The following ANKRD44 variants were observed in gnomAD, a reference collection of about 807,000 sequenced individuals.
ANKRD44 encodes serine/threonine-protein phosphatase 6 regulatory ankyrin repeat subunit B.
In ANKRD44, 35 loss-of-function variants were observed where a neutral mutation model predicts 116.0. The ratio of observed to expected loss-of-function variants is 0.30; its 90% CI spans 0.23 to 0.40. The LOEUF is 0.40. ANKRD44 is among the 10% of genes least tolerant of loss of function. The pLI is 1.00. For synonymous variants in ANKRD44, 435 were observed against 461.8 expected, an observed-to-expected ratio of 0.94 and a Z score of 0.74; for missense variants, 1,014 against 1,242.6, an observed-to-expected ratio of 0.82 and a Z score of 2.77.
At chr2:197,107,884 A>T (rs1430059384) in intron 9 of ANKRD44, among the ~76,000 whole-genome samples, 2 of 152,216 alleles carry the variant, frequency 1.3e-5, no homozygotes, top group Non-Finnish European at 2.9e-5. Context: ...GTAAAAAAAG[A>T]ACTTCCTTTT....
At chr2:197,199,012 G>C (rs1160089639) in intron 1 of ANKRD44, 3 of 152,170 alleles carry the variant, frequency 2.0e-5, no homozygotes, top group Non-Finnish European at 2.9e-5. Context: ...ACCTATGCAA[G>C]CTCCTTCTCT....
intron 1 of ANKRD44, among the ~76,000 whole-genome samples, chr2:197,192,215 G>A (rs73991246): frequency 0.043 from 6,544 of 152,176 alleles, 486 homozygotes; most frequent in African/African-American, 0.15. Context: ...GGCTTTGGAA[G>A]ATAGGCAGAG....
chr2:197,304,794 T>C (rs867821424), intron 1 of ANKRD44, among the ~76,000 whole-genome samples: 42 of 152,354 alleles, frequency 2.8e-4, no homozygotes, highest in African/African-American at 7.7e-4. Flanking sequence ...AATGTTTCTA[T>C]CACATTACAC....
chr2:197,043,992 G>A (rs2076957292), intron 16 of ANKRD44, among the ~76,000 whole-genome samples: 1 of 151,788 alleles, frequency 6.6e-6, no homozygotes, highest in Admixed American at 6.6e-5. Flanking sequence ...TAAAGTCAAG[G>A]GATCAGTGAT....
chr2:197,284,702 A>G (rs941104955), intron 1 of ANKRD44, among the ~76,000 whole-genome samples: 1 of 151,992 alleles, frequency 6.6e-6, no homozygotes, highest in Non-Finnish European at 1.5e-5. Flanking sequence ...CCTGGCCAAC[A>G]TGGTGAAACC....
intron 15 of ANKRD44, among the ~76,000 whole-genome samples, chr2:197,081,201 T>C (rs929343342): frequency 1.3e-5 from 2 of 152,148 alleles, no homozygotes; most frequent in African/African-American, 4.8e-5. Flanking sequence ...TTGATGTGCA[T>C]GTGGGCTGGG....
intron 16 of ANKRD44, among the ~76,000 whole-genome samples, chr2:197,027,435 G>A (rs928693981): frequency 6.6e-6 from 1 of 152,076 alleles, no homozygotes; most frequent in Non-Finnish European, 1.5e-5. Flanking sequence ...AAAGCCATAA[G>A]ATTGGATGAG....
chr2:197,246,350 CTT>C (rs67655796), intron 1 of ANKRD44, among the ~76,000 whole-genome samples: 16 of 65,876 alleles, frequency 2.4e-4, no homozygotes, highest in African/African-American at 1.1e-3. Flanking sequence ...CTACATCTGG[CTT>C]TTTTTTTTTT....
At chr2:197,070,989 T>C (rs944672956) in intron 16 of ANKRD44, among the ~76,000 whole-genome samples, 1 of 152,200 alleles carries the variant, frequency 6.6e-6, no homozygotes, top group Non-Finnish European at 1.5e-5. Flanking sequence ...GAGTCTATTT[T>C]ATCAAGTTGT....
intron 21 of ANKRD44, among the ~76,000 whole-genome samples, chr2:196,975,625 T>TA (rs113571103): frequency 4.4e-4 from 47 of 106,318 alleles, no homozygotes; most frequent in African/African-American, 1.4e-3. Flanking sequence ...TTTTTTTTTT[T>TA]AAAAAAAATA....
intron 1 of ANKRD44, among the ~76,000 whole-genome samples, chr2:197,213,306 G>A (rs1159202937): frequency 9.9e-5 from 15 of 152,192 alleles, no homozygotes; most frequent in Admixed American, 9.8e-4. Flanking sequence ...TCTGTTTAAT[G>A]TAGACAATGT....
intron 16 of ANKRD44, among the ~76,000 whole-genome samples, chr2:197,069,891 CTTT>C (rs199988682): frequency 4.8e-5 from 7 of 144,726 alleles, no homozygotes; most frequent in African/African-American, 1.8e-4. Flanking sequence ...AATGTCTCTC[CTTT>C]TTTTTTTTTT....
intron 21 of ANKRD44, among the ~76,000 whole-genome samples, chr2:197,003,157 A>G (rs2076143685): frequency 6.6e-6 from 1 of 151,904 alleles, no homozygotes; most frequent in Admixed American, 6.6e-5. Context: ...AAATACCAAA[A>G]AAAAAAAAAG....
chr2:197,198,412 A>G (rs1397220443), intron 1 of ANKRD44, among the ~76,000 whole-genome samples: 1 of 152,216 alleles, frequency 6.6e-6, no homozygotes, highest in Non-Finnish European at 1.5e-5. Flanking sequence ...GGAAACTGCA[A>G]TAATAGTCTG....
intron 9 of ANKRD44, among the ~76,000 whole-genome samples, chr2:197,107,128 T>C (rs2078450987): frequency 6.6e-6 from 1 of 152,204 alleles, no homozygotes; most frequent in South Asian, 2.1e-4. Context: ...AATTAATTAG[T>C]ATCCTCTAAG....
chr2:197,001,365 A>G (rs1379138679), intron 22 of ANKRD44, among the ~76,000 whole-genome samples: 1 of 152,260 alleles, frequency 6.6e-6, no homozygotes, highest in Non-Finnish European at 1.5e-5. Flanking sequence ...GAAGAATTTC[A>G]ATATATGAAA....
In ANKRD44 at chr2:197,088,721, C is replaced by A; in HGVS notation, c.1237G>T (p.Ala413Ser). The A allele has an allele frequency of 6.2e-7, 1 of 1,610,960 alleles. No individual in the cohort carries two copies. The highest frequency in any genetic ancestry group is 8.5e-7 in the Non-Finnish European group (1 of 1,177,866). ...TTGGTAACTACTCACCCTCCTGCAG[C>A]AGCAGCATGAAGGCACGTTCTTCCA... ...KFGRTCLHAA[A>S]AGGNVECIKL... Residue 413 changes from alanine (A) to serine (S), a missense_variant, in exon 12 of 28, where the codon GCT (alanine) becomes TCT (serine). Ala to Ser is a moderately conservative substitution (Grantham distance 99, BLOSUM62 1). Transcript: ENST00000282272.
In ANKRD44 at chr2:197,013,544, T is replaced by C. The variant is rs2076335372; in HGVS notation, c.1891A>G (p.Asn631Asp). The change falls in exon 18 of 28, where the codon AAT becomes GAT. Residue 631 changes from asparagine to aspartate, a missense_variant. Asn to Asp is a conservative substitution (Grantham distance 23). Transcript: ENST00000282272. ...NQGASIFVKD[N>D]VTKRTPLHAS... Reference sequence around the variant, plus strand: ...TGAAGTGGGGTTCTTTTGGTTACATTGTCTTTCACAAAGATGGATGCGCCC... The same window carrying C: ...TGAAGTGGGGTTCTTTTGGTTACATCGTCTTTCACAAAGATGGATGCGCCC... 2 of 1,614,226 alleles carry C rather than the reference T, an allele frequency of 1.2e-6. No homozygotes were observed. Among genetic ancestry groups the C allele is most frequent in the Non-Finnish European group, 1.7e-6 (2 of 1,180,048 alleles).
intron 1 of ANKRD44, among the ~76,000 whole-genome samples, chr2:197,224,968 A>G (rs775438726): frequency 1.3e-5 from 2 of 152,244 alleles, no homozygotes; most frequent in Non-Finnish European, 2.9e-5. Context: ...GTTAGGAAGA[A>G]CACAACAGTT....
Sources: gnomAD v4.1 joint callset for allele counts (sites outside exome capture counted in the v4.1 genomes callset) on GRCh38, gnomAD v4.1.1 for gene constraint, MANE v1.5 for transcripts, NCBI Gene and HGNC (gene_info 2026-07-23, HGNC 2026-07-21) for gene names.